The following KBTBD11 variants were observed in gnomAD, a reference collection of about 807,000 sequenced individuals.
KBTBD11 encodes the protein kelch repeat and BTB domain containing 11.
For synonymous variants in KBTBD11, 747 were observed against 499.0 expected, an observed-to-expected ratio of 1.50 and a Z score of -6.63; for missense variants, 1,390 against 1,001.8, an observed-to-expected ratio of 1.39 and a Z score of -5.23.
At chr8:1,974,655 G>C (rs1585711676) in intron 1 of KBTBD11, 1 of 985,330 alleles carries the variant, frequency 1.0e-6, no homozygotes, top group African/African-American at 1.7e-5. Flanking sequence ...GCCCCTTGCA[G>C]CCCCCGCCCC....
intron 1 of KBTBD11, among the ~76,000 whole-genome samples, chr8:1,976,960 T>C (rs953609236): frequency 2.6e-5 from 4 of 152,186 alleles, no homozygotes; most frequent in African/African-American, 9.7e-5. Context: ...CTGAGTTAAA[T>C]TGATGGAGCT....
chr8:1,981,977 A>C (rs190761768), intron 1 of KBTBD11, among the ~76,000 whole-genome samples: 1 of 152,232 alleles, frequency 6.6e-6, no homozygotes, highest in East Asian at 1.9e-4. Context: ...TCCCCTAGCA[A>C]ATCCCCTCTC....
rs937042805 is a variant in KBTBD11 at position 2,001,571 on chromosome 8, G to A, written c.379G>A (p.Ala127Thr). The change falls in exon 2 of 2, where the codon GCG becomes ACG. Residue 127 changes from alanine to threonine, a missense_variant. Transcript: ENST00000320248. Reference protein sequence around the residue: ...PASPEEPGEPAPVPPGFGAVY... With the variant: ...PASPEEPGEPTPVPPGFGAVY... ...GTCCCCCGAGGAGCCCGGGGAGCCCGCGCCCGTACCCCCGGGGTTCGGGGC... is the reference window on the plus strand; with the variant it reads ...GTCCCCCGAGGAGCCCGGGGAGCCCACGCCCGTACCCCCGGGGTTCGGGGC... 5 of 1,445,826 alleles carry A rather than the reference G, an allele frequency of 3.5e-6. No individual in the cohort carries two copies. Among genetic ancestry groups the A allele is most frequent in the Admixed American group, 2.7e-5 (1 of 37,280 alleles). The allele number at this position is 1,445,826 out of a possible 1,614,324, so 89.6% of individuals were successfully genotyped here. A position where few individuals can be genotyped will look rare whatever the true frequency, so the allele number is the denominator to read the frequency against.
At chr8:1,974,714 C>T (rs904417256) in intron 1 of KBTBD11, 7 of 985,264 alleles carry the variant, frequency 7.1e-6, no homozygotes, top group Non-Finnish European at 6.0e-6. Context: ...CCGCAGGGGT[C>T]CCTCCTCTCA....
chr8:1,993,389 CCG>C (rs1816993836), intron 1 of KBTBD11, among the ~76,000 whole-genome samples: 3 of 101,486 alleles, frequency 3.0e-5, no homozygotes, highest in African/African-American at 8.9e-5. Context: ...GTCCGTCCGT[CCG>C]TCCATCCATC....
chr8:1,995,016 G>A (rs1817079803), intron 1 of KBTBD11, among the ~76,000 whole-genome samples: 2 of 146,336 alleles, frequency 1.4e-5, no homozygotes, highest in Admixed American at 1.4e-4. Context: ...CCGAGATGGT[G>A]CCATTGCACT....
rs1817504467 is a variant in KBTBD11, at chr8:2,004,234, TA to T, written c.*1172del. The T allele has an allele frequency of 3.0e-5, 5 of 166,978 alleles. No homozygotes were observed. Among genetic ancestry groups the T allele is most frequent in the Admixed American group, 2.6e-4 (4 of 15,294 alleles). 10.3% of individuals were successfully genotyped at this position (166,978 alleles called of 1,614,324 possible). On this transcript the variant is annotated 3_prime_UTR_variant, in exon 2 of 2. Transcript: ENST00000320248. ...GAGTTCCAAAATACCCTAATAGAAT[TA>T]ACACGAGGCTCACTGCATTGACAGG...
intron 1 of KBTBD11, among the ~76,000 whole-genome samples, chr8:1,993,964 C>T (rs1817037932): frequency 6.7e-6 from 1 of 149,062 alleles, no homozygotes; most frequent in Admixed American, 6.7e-5. Flanking sequence ...CACACAAAAC[C>T]CCATAGATGG....
rs1338362211 is a variant in KBTBD11, at chr8:1,973,761, C to A, written c.-1083C>A. On this transcript the variant is annotated 5_prime_UTR_variant, in exon 1 of 2. Transcript: ENST00000320248. The stretch of plus-strand genomic sequence containing the variant: ...GAGGCGGAGAGGCCTGTCCACCGCC[C>A]CCTCTGCCGCCCACGCCCCGCTGCG... The A allele has an allele frequency of 5.1e-6, 5 of 983,822 alleles. No homozygotes were observed. Among genetic ancestry groups the A allele is most frequent in the Non-Finnish European group, 6.0e-6 (5 of 829,360 alleles). 60.9% of individuals were successfully genotyped at this position (983,822 alleles called of 1,614,324 possible). A position where few individuals can be genotyped will look rare whatever the true frequency, so the allele number is the denominator to read the frequency against.
Position 2,001,087 on chromosome 8 carries a change from C to T in KBTBD11, c.-106C>T. On this transcript the variant is annotated 5_prime_UTR_variant, in exon 2 of 2. Coordinates refer to ENST00000320248, the MANE Select transcript of KBTBD11 (RefSeq NM_014867.3). ...ACAGAAGTGAAATCTGATCGCGTGC[C>T]AGGAAAAGCTGTGAGGCTGGAAACC... 1.6e-6 allele frequency: 2 copies of T among 1,249,198 alleles called. No individual in the cohort carries two copies. The highest frequency in any genetic ancestry group is 2.0e-6 in the Non-Finnish European group (2 of 993,188). 77.4% of individuals were successfully genotyped at this position (1,249,198 alleles called of 1,614,324 possible). A position where few individuals can be genotyped will look rare whatever the true frequency, so the allele number is the denominator to read the frequency against.
At chr8:1,977,242 G>A (rs1205027291) in intron 1 of KBTBD11, among the ~76,000 whole-genome samples, 2 of 152,152 alleles carry the variant, frequency 1.3e-5, no homozygotes, top group East Asian at 3.9e-4. Flanking sequence ...GTAGCATGGA[G>A]ACTTCCCGAG....
rs1363898048 is a variant in KBTBD11, at chr8:2,003,435, C to G, written c.*371C>G. ...AGAGCACCGAGGCTGTGCGCAGGAG[C>G]CTGGGACCCTCAAGTAGGTCGCCGC... On this transcript the variant is annotated 3_prime_UTR_variant, in exon 2 of 2. Coordinates refer to ENST00000320248, the MANE Select transcript of KBTBD11 (RefSeq NM_014867.3). 4.9e-6 allele frequency: 1 copy of G among 206,128 alleles called. No individual in the cohort carries two copies. Among genetic ancestry groups the G allele is most frequent in the Non-Finnish European group, 1.1e-5 (1 of 94,528 alleles). The allele number at this position is 206,128 out of a possible 1,614,324, so 12.8% of individuals were successfully genotyped here. A position where few individuals can be genotyped will look rare whatever the true frequency, so the allele number is the denominator to read the frequency against.
At position 2,006,515 on chromosome 8, in the gene KBTBD11, G is replaced by T. The variant is rs56222127; in HGVS notation, c.*3451G>T. On this transcript the variant is annotated 3_prime_UTR_variant, in exon 2 of 2. Coordinates refer to ENST00000320248, the MANE Select transcript of KBTBD11 (RefSeq NM_014867.3). ...CACGAGCTGAAAATGGAAATCTGCA[G>T]TTGTTTCAGTTGTCTTGAATTTCTT... 1,127 of 167,182 alleles carry T rather than the reference G, an allele frequency of 6.7e-3. 9 individuals are homozygous for T. Among genetic ancestry groups the T allele is most frequent in the Non-Finnish European group, 0.01 (712 of 68,122 alleles). 10.4% of individuals were successfully genotyped at this position (167,182 alleles called of 1,614,324 possible). A position where few individuals can be genotyped will look rare whatever the true frequency, so the allele number is the denominator to read the frequency against.
At chr8:1,992,604 G>T (rs1816959577) in intron 1 of KBTBD11, among the ~76,000 whole-genome samples, 1 of 150,858 alleles carries the variant, frequency 6.6e-6, no homozygotes, top group African/African-American at 2.4e-5. Context: ...TGTGTAAAGA[G>T]TAAAAAAAAA....
chr8:1,976,780 T>C (rs1816360666), intron 1 of KBTBD11, among the ~76,000 whole-genome samples: 1 of 152,128 alleles, frequency 6.6e-6, no homozygotes, highest in Non-Finnish European at 1.5e-5. Flanking sequence ...AACAGAGGAA[T>C]GTTAGGCCGA....
chr8:1,995,008 G>T (rs764426710), intron 1 of KBTBD11, among the ~76,000 whole-genome samples: 1 of 147,966 alleles, frequency 6.8e-6, no homozygotes, highest in Non-Finnish European at 1.5e-5. Flanking sequence ...GCAGTGAGCC[G>T]AGATGGTGCC....
chr8:2,001,534 TGAGGACCCCGCGTCCCCC>T lies in KBTBD11; in HGVS notation c.348_365del (p.Asp116_Glu121del). The T allele has an allele frequency of 1.4e-6, 2 of 1,431,762 alleles. No individual in the cohort carries two copies. Among genetic ancestry groups the T allele is most frequent in the Non-Finnish European group, 1.8e-6 (2 of 1,098,210 alleles). 88.7% of individuals were successfully genotyped at this position (1,431,762 alleles called of 1,614,324 possible). ...CGTCCCCCGAACCGCGCGTTTGGCT[TGAGGACCCCGCGTCCCCC>T]GAGGAGCCCGGGGAGCCCGCGCCCG... is the stretch of plus-strand genomic sequence containing the variant. On this transcript the variant is annotated inframe_deletion, in exon 2 of 2. Coordinates refer to ENST00000320248, the MANE Select transcript of KBTBD11 (RefSeq NM_014867.3).
chr8:1,974,899 C>G (rs560046760), intron 1 of KBTBD11: 1 of 181,482 alleles, frequency 5.5e-6, no homozygotes, highest in South Asian at 1.8e-4. Context: ...AAGGCGCCGC[C>G]GTCAGATTTT....
At chr8:1,981,882 G>A (rs895936696) in intron 1 of KBTBD11, among the ~76,000 whole-genome samples, 3 of 152,174 alleles carry the variant, frequency 2.0e-5, no homozygotes, top group African/African-American at 7.2e-5. Context: ...ACAATAAACT[G>A]AGCCATGCCA....
Sources: allele counts gnomAD v4.1 joint callset (sites outside exome capture counted in the v4.1 genomes callset), GRCh38; gene constraint gnomAD v4.1.1; transcripts MANE v1.5; gene names NCBI Gene and HGNC (gene_info 2026-07-23, HGNC 2026-07-21).